WNT5B: variants seen among roughly 807,000 people sequenced by gnomAD.
WNT5B encodes protein Wnt-5b.
A neutral mutation model predicts 36.5 loss-of-function variants in WNT5B; 18 were observed. That is an observed-to-expected ratio of 0.49 (90% CI 0.34 to 0.73). WNT5B has a LOEUF of 0.73. WNT5B is among the 30% of genes least tolerant of loss of function. The probability of loss-of-function intolerance (pLI) is 0.01; values close to 1 mark genes in which losing one functional copy is unlikely to be tolerated. For synonymous variants in WNT5B, 213 were observed against 212.3 expected, an observed-to-expected ratio of 1.00 and a Z score of -0.03; for missense variants, 424 against 508.4, an observed-to-expected ratio of 0.83 and a Z score of 1.60.
intron 3 of WNT5B, among the ~76,000 whole-genome samples, chr12:1,639,288 C>T (rs1330373321): frequency 6.6e-6 from 1 of 151,468 alleles, no homozygotes; most frequent in Non-Finnish European, 1.5e-5. Flanking sequence ...CAGGCGCCCG[C>T]CACCACGCCC....
At chr12:1,639,056 G>A (rs571792678) in intron 3 of WNT5B, among the ~76,000 whole-genome samples, 1 of 152,222 alleles carries the variant, frequency 6.6e-6, no homozygotes, top group East Asian at 1.9e-4. Context: ...GAGGTCTCCC[G>A]CCTAGGAATC....
upstream of WNT5B, among the ~76,000 whole-genome samples, chr12:1,628,774 C>A (rs2154439456): frequency 1.3e-5 from 2 of 152,290 alleles, no homozygotes; most frequent in Non-Finnish European, 2.9e-5. Context: ...CTAAGGGGTC[C>A]TTTCTCCTCC....
chr12:1,631,717 T>C (rs1455504805), intron 2 of WNT5B, among the ~76,000 whole-genome samples: 1 of 151,918 alleles, frequency 6.6e-6, no homozygotes, highest in East Asian at 1.9e-4. Flanking sequence ...TTGTTAGAAA[T>C]TGCTCTTGGG....
chr12:1,643,180 C>T lies in WNT5B; in HGVS notation c.622-2614C>T, dbSNP rs78256189. On this transcript the variant is annotated intron_variant, in intron 4 of 4. Coordinates refer to ENST00000397196, the MANE Select transcript of WNT5B (RefSeq NM_032642.3). The stretch of plus-strand genomic sequence containing the variant: ...GAGCATCTAGTAGCTCCTTCTTAGA[C>T]GGTGGCGGCAACACCAGTGGCTGAT... 3.6e-3 allele frequency among the ~76,000 whole-genome samples: 551 copies of T among 152,204 alleles called. 6 individuals are homozygous for T. The highest frequency in any genetic ancestry group is 0.012 in the African/African-American group (494 of 41,520).
chr12:1,628,214 T>G (rs12307093), upstream of WNT5B, among the ~76,000 whole-genome samples: 11 of 151,386 alleles, frequency 7.3e-5, no homozygotes, highest in Non-Finnish European at 7.4e-5. Context: ...GGAGTGCAGT[T>G]GTGCTATCTT....
intron 3 of WNT5B, among the ~76,000 whole-genome samples, chr12:1,639,110 C>T (rs1453390765): frequency 6.6e-6 from 1 of 152,032 alleles, no homozygotes; most frequent in Admixed American, 6.6e-5. Context: ...TAATGCAGGC[C>T]AGGACCGGAG....
chr12:1,640,689 G>A (rs1456066444), intron 4 of WNT5B, among the ~76,000 whole-genome samples: 1 of 152,202 alleles, frequency 6.6e-6, no homozygotes, highest in Non-Finnish European at 1.5e-5. Flanking sequence ...CCCCTAGGTG[G>A]CATGCTGGAA....
At chr12:1,622,174 G>C (rs1267817899) in intron 1 of WNT5B, among the ~76,000 whole-genome samples, 2 of 144,544 alleles carry the variant, frequency 1.4e-5, no homozygotes, top group African/African-American at 5.2e-5. Context: ...GCAGTGGCGT[G>C]ATCTCGGCTC....
intron 4 of WNT5B, 111 bp from the exon 5 acceptor site, chr12:1,645,682 TC>T: frequency 1.0e-6 from 1 of 963,716 alleles, no homozygotes; most frequent in East Asian, 2.4e-5. Flanking sequence ...AAGCTATCTA[TC>T]CCCTACCCTA....
chr12:1,620,727 C>T (rs1301565995), intron 1 of WNT5B, among the ~76,000 whole-genome samples: 4 of 138,042 alleles, frequency 2.9e-5, no homozygotes, highest in South Asian at 2.4e-4. Flanking sequence ...TTTTTTTAGA[C>T]GGAGTCTCGC....
At chr12:1,639,596 GTGC>G in intron 3 of WNT5B, 85 bp from the exon 4 acceptor site, 1 of 1,388,920 alleles carries the variant, frequency 7.2e-7, no homozygotes. Context: ...GAGCCGTGGC[GTGC>G]GGGTCCGTCG....
At chr12:1,637,911 G>A (rs997603196) in intron 3 of WNT5B, among the ~76,000 whole-genome samples, 2 of 152,030 alleles carry the variant, frequency 1.3e-5, no homozygotes, top group South Asian at 2.1e-4. Context: ...AAAGTAGCAC[G>A]GATAGATTTG....
chr12:1,632,868 G>A lies in WNT5B; in HGVS notation c.291G>A (p.Ala97=), dbSNP rs769031292. The change falls in exon 3 of 5, where the codon GCG becomes GCA. Residue 97 remains alanine (A), a synonymous_variant. Transcript: ENST00000397196. This position sits in a 1 kb window ranked among gnomAD's most constrained non-coding sequence, Gnocchi z 5.8. ...FRQRRWNCST[A]DNASVFGRVM... is the part of the protein sequence containing the mutation. ...AGCGGCGGTGGAATTGCAGCACAGC[G>A]GACAACGCATCTGTCTTTGGGAGAG... The A allele has an allele frequency of 1.1e-5, 18 of 1,613,800 alleles. No homozygotes were observed. The highest frequency in any genetic ancestry group is 1.6e-4 in the Middle Eastern group (1 of 6,082).
chr12:1,622,112 T>C (rs2094534547), intron 1 of WNT5B, among the ~76,000 whole-genome samples: 1 of 144,168 alleles, frequency 6.9e-6, no homozygotes, highest in African/African-American at 2.6e-5. Flanking sequence ...CACTTCTTTT[T>C]TTTTTTTTTT....
At position 1,618,022 on chromosome 12, in the gene WNT5B, G is replaced by A. The variant is rs1354738716; in HGVS notation, c.-58+879G>A. ...CCAGACACAGTGGCTTACACCTGTAGTCCCAGCTACTCAGGAGGCTGAGGT... is the reference window on the plus strand; with the variant it reads ...CCAGACACAGTGGCTTACACCTGTAATCCCAGCTACTCAGGAGGCTGAGGT... On this transcript the variant is annotated intron_variant, in intron 1 of 4. Transcript: ENST00000310594. The surrounding 1 kb of genome is among the most constrained non-coding windows in gnomAD (Gnocchi z 4.1). 6.6e-6 allele frequency among the ~76,000 whole-genome samples: 1 copy of A among 152,044 alleles called. No individual in the cohort carries two copies. The highest frequency in any genetic ancestry group is 1.5e-5 in the Non-Finnish European group (1 of 68,014).
rs758803121 is a variant in WNT5B, at chr12:1,645,778, C to T, written c.622-16C>T. ...CCGGGATCCTCCTTCTTACTGCCTT[C>T]TTTCTCTTCCCCTAGGCTGTGTATA... On this transcript the variant is annotated splice_polypyrimidine_tract_variant and intron_variant, in intron 4 of 4. Transcript: ENST00000397196. The T allele has an allele frequency of 6.5e-7, 1 of 1,547,180 alleles. No individual in the cohort carries two copies. The highest frequency in any genetic ancestry group is 8.7e-7 in the Non-Finnish European group (1 of 1,144,698).
intron 3 of WNT5B, 66 bp from the exon 4 acceptor site, chr12:1,639,618 G>A (rs1036969086): frequency 4.9e-6 from 7 of 1,420,454 alleles, no homozygotes; most frequent in South Asian, 1.5e-5. Flanking sequence ...CGGGGGAGAC[G>A]GGGGGAAGGA....
At chr12:1,620,608 G>C (rs2094532409) in intron 1 of WNT5B, among the ~76,000 whole-genome samples, 1 of 150,928 alleles carries the variant, frequency 6.6e-6, no homozygotes, top group South Asian at 2.1e-4. Context: ...GCGCGACCTT[G>C]GCTTACTGCA....
At chr12:1,637,581 C>CAAAAAAAA (rs61542245) in intron 3 of WNT5B, among the ~76,000 whole-genome samples, 2 of 110,400 alleles carry the variant, frequency 1.8e-5, no homozygotes, top group African/African-American at 3.5e-5. Flanking sequence ...ACTAAACATA[C>CAAAAAAAA]AAAAAAAAAA....
Sources: allele counts gnomAD v4.1 joint callset (sites outside exome capture counted in the v4.1 genomes callset), GRCh38; gene constraint gnomAD v4.1.1; non-coding constraint Gnocchi (gnomAD v3.1); transcripts MANE v1.5; gene names NCBI Gene and HGNC (gene_info 2026-07-23, HGNC 2026-07-21).